Variants in TMOD2 observed in about 807,000 individuals in gnomAD.
TMOD2 encodes the protein tropomodulin 2.
In TMOD2, 22 loss-of-function variants were observed where a neutral mutation model predicts 39.9. That is an observed-to-expected ratio of 0.55 (90% CI 0.39 to 0.79). TMOD2 has a LOEUF of 0.79. Among genes scored for constraint, TMOD2 ranks in the 30% least tolerant of loss-of-function variants. TMOD2 has a pLI of 0.00. For synonymous variants in TMOD2, 123 were observed against 146.1 expected (o/e 0.84, Z 1.14); for missense variants, 386 against 413.3 (o/e 0.93, Z 0.57).
chr15:51,807,206 C>T (rs2056126755), intron 9 of TMOD2, among the ~76,000 whole-genome samples: 1 of 152,150 alleles, frequency 6.6e-6, no homozygotes, highest in African/African-American at 2.4e-5. Context: ...GTCAGTCAGT[C>T]AATAGCAGGC....
chr15:51,794,740 A>G (rs770195842), intron 7 of TMOD2, among the ~76,000 whole-genome samples: 1 of 152,160 alleles, frequency 6.6e-6, no homozygotes, highest in Non-Finnish European at 1.5e-5. Flanking sequence ...ACAGAAATTT[A>G]TATTTTTCAT....
intron 1 of TMOD2, among the ~76,000 whole-genome samples, chr15:51,763,082 G>A (rs2055792286): frequency 6.7e-6 from 1 of 149,650 alleles, no homozygotes; most frequent in Non-Finnish European, 1.5e-5. Context: ...CTACAGGCAT[G>A]TGCCACCATG....
intron 8 of TMOD2, among the ~76,000 whole-genome samples, chr15:51,800,988 AG>A (rs1234564645): frequency 8.5e-5 from 13 of 152,162 alleles, no homozygotes; most frequent in African/African-American, 3.1e-4. Context: ...TACAGACATG[AG>A]CCCCACCGCG....
At chr15:51,779,605 G>A (rs979470938) in intron 5 of TMOD2, among the ~76,000 whole-genome samples, 17 of 151,730 alleles carry the variant, frequency 1.1e-4, no homozygotes, top group African/African-American at 2.9e-4. Context: ...GGATGGTCTC[G>A]ATCTCCTGAC....
Position 51,800,897 on chromosome 15 carries a change from G to T in TMOD2, c.876+2557G>T, listed in dbSNP as rs541004112. 1.2e-4 allele frequency among the ~76,000 whole-genome samples: 18 copies of T among 152,198 alleles called. No homozygotes were observed. The South Asian group carries it at 3.1e-3, about 26-fold the overall frequency. The stretch of plus-strand genomic sequence containing the variant: ...ATTTTTAAATTTTTGTAGAGACAGG[G>T]TCTCACTATATTTCCCAGGTTGTTC... On this transcript the variant is annotated intron_variant, in intron 8 of 9. Coordinates refer to ENST00000249700, the MANE Select transcript of TMOD2 (RefSeq NM_014548.4).
At chr15:51,769,612 C>T (rs1478693453) in intron 3 of TMOD2, among the ~76,000 whole-genome samples, 1 of 152,186 alleles carries the variant, frequency 6.6e-6, no homozygotes, top group Non-Finnish European at 1.5e-5. Flanking sequence ...CCCTGTGCTC[C>T]CCTTGGGAGG....
chr15:51,804,327 G>GA (rs1229143973), intron 8 of TMOD2, among the ~76,000 whole-genome samples: 1 of 152,116 alleles, frequency 6.6e-6, no homozygotes, highest in African/African-American at 2.4e-5. Context: ...AATGTTAGAT[G>GA]AAAAATAAAA....
In TMOD2 at chr15:51,811,818, G is replaced by A. The variant is rs1421648216; in HGVS notation, c.*3364G>A. On this transcript the variant is annotated 3_prime_UTR_variant, in exon 10 of 10. Coordinates refer to ENST00000249700, the MANE Select transcript of TMOD2 (RefSeq NM_014548.4). ...GGTTAAATATGAAATTACTCCCTAG[G>A]CTTTGCAGTTTATGTTACCAACCAC... 6.6e-6 allele frequency: 1 copy of A among 152,126 alleles called. No homozygotes were observed. The highest frequency in any genetic ancestry group is 1.9e-4 in the East Asian group (1 of 5,170). The allele number at this position is 152,126 out of a possible 1,614,324, so 9.4% of individuals were successfully genotyped here.
chr15:51,771,579 T>C (rs564060419), intron 3 of TMOD2, among the ~76,000 whole-genome samples: 1 of 152,298 alleles, frequency 6.6e-6, no homozygotes, highest in South Asian at 2.1e-4. Context: ...GCAGGAGGAT[T>C]ACTTGAGCCC....
intron 3 of TMOD2, among the ~76,000 whole-genome samples, chr15:51,772,656 C>A (rs970497452): frequency 6.6e-6 from 1 of 152,122 alleles, no homozygotes; most frequent in African/African-American, 2.4e-5. Flanking sequence ...CTCACAGAAC[C>A]CCACTAGCTC....
chr15:51,799,790 G>T (rs2056076460), intron 8 of TMOD2, among the ~76,000 whole-genome samples: 1 of 152,186 alleles, frequency 6.6e-6, no homozygotes, highest in Non-Finnish European at 1.5e-5. Flanking sequence ...ATCACTCAGG[G>T]ATATTTGTTG....
intron 7 of TMOD2, chr15:51,785,096 T>C (rs1360023799): frequency 6.6e-6 from 1 of 152,224 alleles, no homozygotes; most frequent in Admixed American, 6.5e-5. Flanking sequence ...AAATTTGACC[T>C]TTTGTAACTT....
rs2056122754 is a variant in TMOD2 at position 51,806,533 on chromosome 15, A to G, written c.1021+12A>G. 1.2e-6 allele frequency: 2 copies of G among 1,613,948 alleles called. No individual in the cohort carries two copies. The highest frequency in any genetic ancestry group is 2.2e-5 in the East Asian group (1 of 44,888). On this transcript the variant is annotated intron_variant, in intron 9 of 9. Coordinates refer to ENST00000249700, the MANE Select transcript of TMOD2 (RefSeq NM_014548.4). The stretch of plus-strand genomic sequence containing the variant: ...GAATAATGACCTGGGTAATTCAGCC[A>G]TAATATTTGCTGTTAACAATTAGAA...
In TMOD2 at chr15:51,806,397, T is replaced by TCCA; in HGVS notation, c.897_898insCCA (p.Ala299_Val300insPro). 1 of 1,614,200 alleles carries TCCA rather than the reference T, an allele frequency of 6.2e-7. No homozygotes were observed. Among genetic ancestry groups the TCCA allele is most frequent in the Non-Finnish European group, 8.5e-7 (1 of 1,180,028 alleles). On this transcript the variant is annotated inframe_insertion, in exon 9 of 10. Transcript: ENST00000249700. ...ACCAGAGGCAGCAGTTGGGAACAGC[T>TCCA]GTAGAGATGGAAATTGCCCAGATGC...
intron 9 of TMOD2, among the ~76,000 whole-genome samples, chr15:51,806,911 T>C (rs1364302572): frequency 2.0e-5 from 3 of 152,220 alleles, no homozygotes; most frequent in African/African-American, 4.8e-5. Context: ...GTTCTAAATA[T>C]GGATATGTCT....
Position 51,798,232 on chromosome 15 carries a change from G to C in TMOD2, c.768G>C (p.Leu256Phe). Residue 256 changes from leucine to phenylalanine, a missense_variant, in exon 8 of 10, where the codon TTG (leucine) becomes TTC (phenylalanine). Leu to Phe is a conservative substitution (Grantham distance 22). Coordinates refer to ENST00000249700, the MANE Select transcript of TMOD2 (RefSeq NM_014548.4). ...FADMLKVNKT[L>F]TSLNIESNFI... is the part of the protein sequence containing the mutation. ...ACATGCTGAAAGTAAACAAGACCTT[G>C]ACAAGTCTAAACATAGAATCCAATT... 6.2e-7 allele frequency: 1 copy of C among 1,612,558 alleles called. No homozygotes were observed. The highest frequency in any genetic ancestry group is 8.5e-7 in the Non-Finnish European group (1 of 1,179,578).
Position 51,810,393 on chromosome 15 carries a change from G to T in TMOD2, c.*1939G>T, listed in dbSNP as rs1356174274. The T allele has an allele frequency of 6.6e-6, 1 of 152,058 alleles. No individual in the cohort carries two copies. The highest frequency in any genetic ancestry group is 1.5e-5 in the Non-Finnish European group (1 of 68,030). 9.4% of individuals were successfully genotyped at this position (152,058 alleles called of 1,614,324 possible). A position where few individuals can be genotyped will look rare whatever the true frequency, so the allele number is the denominator to read the frequency against. On this transcript the variant is annotated 3_prime_UTR_variant, in exon 10 of 10. Coordinates refer to ENST00000249700, the MANE Select transcript of TMOD2 (RefSeq NM_014548.4). ...CTCTTAGATTATTTACATCTAGTAG[G>T]TATGTATGTAGAAATATTACCAAAC...
At chr15:51,779,782 G>T (rs1441738043) in intron 5 of TMOD2, among the ~76,000 whole-genome samples, 2 of 152,032 alleles carry the variant, frequency 1.3e-5, no homozygotes, top group Non-Finnish European at 2.9e-5. Flanking sequence ...CTGGGATCAA[G>T]GGATTCTCCC....
chr15:51,798,129 G>A, intron 7 of TMOD2, 68 bp from the exon 8 acceptor site: 1 of 1,386,060 alleles, frequency 7.2e-7, no homozygotes, highest in Non-Finnish European at 9.8e-7. Flanking sequence ...TGGGAGTGAG[G>A]GGTTTAGTAA....
Sources: gnomAD v4.1 joint callset for allele counts (sites outside exome capture counted in the v4.1 genomes callset) on GRCh38, gnomAD v4.1.1 for gene constraint, MANE v1.5 for transcripts, NCBI Gene and HGNC (gene_info 2026-07-23, HGNC 2026-07-21) for gene names.